NCOA1: variants seen among roughly 807,000 people sequenced by gnomAD.
NCOA1 encodes the protein nuclear receptor coactivator 1.
In NCOA1, 35 loss-of-function variants were observed where a neutral mutation model predicts 150.9. That is an observed-to-expected ratio of 0.23 (90% CI 0.18 to 0.31). The LOEUF is 0.31. NCOA1 is among the 10% of genes least tolerant of loss of function. The pLI is 1.00. For missense variants in NCOA1, 1,491 were observed against 1,749.3 expected (o/e 0.85, Z 2.63); for synonymous variants, 590 against 630.0 (o/e 0.94, Z 0.95).
At chr2:24,575,864 C>G (rs960417491) in intron 2 of NCOA1, among the ~76,000 whole-genome samples, 13 of 152,108 alleles carry the variant, frequency 8.5e-5, no homozygotes, top group Non-Finnish European at 1.5e-4. Context: ...TGAGCCACCG[C>G]TCTCGGCCGA....
At chr2:24,681,063 T>TTAA (rs1553447039) in intron 7 of NCOA1, among the ~76,000 whole-genome samples, 5 of 144,694 alleles carry the variant, frequency 3.5e-5, no homozygotes, top group African/African-American at 7.7e-5. Flanking sequence ...CATTTTCACA[T>TTAA]AAAAAAAAAA....
intron 3 of NCOA1, among the ~76,000 whole-genome samples, chr2:24,618,587 G>C (rs1668977961): frequency 6.6e-6 from 1 of 152,126 alleles, no homozygotes; most frequent in Non-Finnish European, 1.5e-5. Context: ...TTGGGGTGAG[G>C]AGAGGTGAAG....
At chr2:24,491,915 G>A (rs1662981563) in intron 1 of NCOA1, 3 of 151,878 alleles carry the variant, frequency 2.0e-5, no homozygotes, top group African/African-American at 7.2e-5. Context: ...AGCATCCGCG[G>A]AGGGGGTGCG....
At chr2:24,764,960 T>G (rs905672888) in intron 22 of NCOA1, among the ~76,000 whole-genome samples, 2 of 152,070 alleles carry the variant, frequency 1.3e-5, no homozygotes, top group African/African-American at 4.8e-5. Context: ...GGCAGGCAAA[T>G]CATTTGAGGT....
intron 21 of NCOA1, among the ~76,000 whole-genome samples, chr2:24,761,964 T>TCC (rs1264936312): frequency 6.6e-6 from 1 of 152,230 alleles, no homozygotes; most frequent in Admixed American, 6.5e-5. Context: ...GGTGATTGTT[T>TCC]CCCCTGCATC....
intron 1 of NCOA1, among the ~76,000 whole-genome samples, chr2:24,513,841 T>C (rs1408681903): frequency 6.6e-6 from 1 of 152,202 alleles, no homozygotes; most frequent in East Asian, 1.9e-4. Flanking sequence ...GGTCAGCAAT[T>C]TCTCCGGCCA....
intron 3 of NCOA1, among the ~76,000 whole-genome samples, chr2:24,587,658 T>A (rs966125453): frequency 1.3e-5 from 2 of 152,234 alleles, no homozygotes; most frequent in Non-Finnish European, 2.9e-5. Context: ...GTTGCCTTAC[T>A]GTATTTTCTT....
intron 1 of NCOA1, among the ~76,000 whole-genome samples, chr2:24,515,258 G>T (rs1664115530): frequency 6.6e-6 from 1 of 151,658 alleles, no homozygotes; most frequent in Admixed American, 6.6e-5. Flanking sequence ...TTTGAGACAG[G>T]GTCTGGGTCT....
intron 7 of NCOA1, among the ~76,000 whole-genome samples, chr2:24,676,092 G>A (rs1165910672): frequency 6.6e-6 from 1 of 152,132 alleles, no homozygotes; most frequent in African/African-American, 2.4e-5. Context: ...TTTCTCAGCA[G>A]ACTTCTGTGG....
At chr2:24,526,980 A>G (rs1314272408) in intron 1 of NCOA1, among the ~76,000 whole-genome samples, 1 of 152,220 alleles carries the variant, frequency 6.6e-6, no homozygotes, top group Non-Finnish European at 1.5e-5. Flanking sequence ...ATATAGGACA[A>G]TATGCATAGG....
intron 3 of NCOA1, among the ~76,000 whole-genome samples, chr2:24,625,497 A>C (rs1669368642): frequency 6.6e-6 from 1 of 150,524 alleles, no homozygotes; most frequent in African/African-American, 2.4e-5. Context: ...CTACTGTTTT[A>C]TTTCTTTCAC....
intron 3 of NCOA1, among the ~76,000 whole-genome samples, chr2:24,604,383 A>G (rs1194367278): frequency 6.6e-6 from 1 of 152,200 alleles, no homozygotes; most frequent in Non-Finnish European, 1.5e-5. Flanking sequence ...CTCTCTAACT[A>G]TGAAAGTCCT....
intron 3 of NCOA1, among the ~76,000 whole-genome samples, chr2:24,585,983 A>T (rs1005804280): frequency 3.3e-5 from 5 of 152,296 alleles, no homozygotes; most frequent in Middle Eastern, 6.8e-3. Flanking sequence ...TGAGTTAAAG[A>T]TTCATTTGGG....
chr2:24,706,848 G>A lies in NCOA1; in HGVS notation c.1378G>A (p.Ala460Thr), dbSNP rs752469577. 3.7e-6 allele frequency: 6 copies of A among 1,614,038 alleles called. No individual in the cohort carries two copies. The highest frequency in any genetic ancestry group is 5.1e-6 in the Non-Finnish European group (6 of 1,180,032). ...CAATGTTGCCTTAAACCAAGGACAG[G>A]CCAGTTCACAGAGCAGTAATCCCTC... ...VANVALNQGQ[A>T]SSQSSNPSLN... The change falls in exon 13 of 23, where the codon GCC becomes ACC. Residue 460 changes from alanine (A) to threonine (T), a missense_variant. Ala to Thr is a moderately conservative substitution (Grantham distance 58). Around this residue, in one of 8 missense-constraint regions of NCOA1, gnomAD observed 703 missense variants for 717.7 expected, o/e 0.98. Transcript: ENST00000348332.
chr2:24,577,114 T>C (rs968590062), intron 2 of NCOA1, among the ~76,000 whole-genome samples: 60 of 152,220 alleles, frequency 3.9e-4, no homozygotes, highest in African/African-American at 1.4e-3. Context: ...TTATATATTT[T>C]GTATTTTTCT....
chr2:24,548,325 C>T (rs1004188295), intron 1 of NCOA1, among the ~76,000 whole-genome samples: 3 of 152,208 alleles, frequency 2.0e-5, no homozygotes, highest in African/African-American at 7.2e-5. Context: ...TTATTCACTA[C>T]CACGAGAACA....
chr2:24,730,319 A>G (rs144447247), intron 17 of NCOA1, among the ~76,000 whole-genome samples: 264 of 152,354 alleles, frequency 1.7e-3, no homozygotes, highest in Middle Eastern at 6.8e-3. Flanking sequence ...CTTTCATTCA[A>G]TTAAATCAAT....
At chr2:24,763,019 A>G (rs1664864675) in intron 22 of NCOA1, among the ~76,000 whole-genome samples, 1 of 152,204 alleles carries the variant, frequency 6.6e-6, no homozygotes, top group Non-Finnish European at 1.5e-5. Context: ...ATCAGTTCAG[A>G]TGGCTTAACT....
At chr2:24,634,707 AACCCC>A (rs1669857319) in intron 3 of NCOA1, among the ~76,000 whole-genome samples, 1 of 34,450 alleles carries the variant, frequency 2.9e-5, no homozygotes, top group African/African-American at 8.9e-5. Context: ...CTAGGGGAGG[AACCCC>A]CCCCCCCCCC....
Sources: gnomAD v4.1 joint callset for allele counts (sites outside exome capture counted in the v4.1 genomes callset) on GRCh38, gnomAD v4.1.1 for gene constraint, gnomAD v4.1.1 regional missense constraint, MANE v1.5 for transcripts, NCBI Gene and HGNC (gene_info 2026-07-23, HGNC 2026-07-21) for gene names.